REV1: variants seen among roughly 807,000 people sequenced by gnomAD.
REV1 encodes REV1 DNA directed polymerase.
In REV1, 42 loss-of-function variants were observed where a neutral mutation model predicts 137.4. The observed-to-expected ratio is 0.31, with a 90% CI of 0.24 to 0.40. The LOEUF (loss-of-function observed/expected upper bound fraction) is 0.40. Among genes scored for constraint, REV1 ranks in the 10% least tolerant of loss-of-function variants. The probability of loss-of-function intolerance (pLI) is 1.00; values close to 1 mark genes in which losing one functional copy is unlikely to be tolerated. For missense variants in REV1, 1,282 were observed against 1,490.1 expected (o/e 0.86, Z 2.30); for synonymous variants, 524 against 519.2 (o/e 1.01, Z -0.12).
chr2:99,454,550 CA>C (rs373850478), intron 3 of REV1, among the ~76,000 whole-genome samples: 345 of 82,266 alleles, frequency 4.2e-3, no homozygotes, highest in Non-Finnish European at 6.1e-3. Context: ...AACTCCAGCT[CA>C]AAAAAAAAAA....
intron 15 of REV1, 61 bp downstream of exon 15, chr2:99,407,968 G>A: frequency 1.0e-6 from 1 of 997,442 alleles, no homozygotes; most frequent in Non-Finnish European, 1.5e-6. Context: ...TTGAGAGCAA[G>A]CCTCAAAAAT....
At chr2:99,450,228 T>C (rs540075956) in intron 3 of REV1, among the ~76,000 whole-genome samples, 1 of 152,308 alleles carries the variant, frequency 6.6e-6, no homozygotes, top group South Asian at 2.1e-4. Context: ...ATGTCTTAAA[T>C]ATTGGAAATA....
At chr2:99,470,074 T>G (rs1685243332) in intron 1 of REV1, among the ~76,000 whole-genome samples, 1 of 151,440 alleles carries the variant, frequency 6.6e-6, no homozygotes, top group African/African-American at 2.4e-5. Context: ...TGAGCCGAGA[T>G]TGCACCACTG....
At chr2:99,442,730 G>A (rs962956937) in intron 4 of REV1, among the ~76,000 whole-genome samples, 4 of 152,086 alleles carry the variant, frequency 2.6e-5, no homozygotes, top group African/African-American at 7.2e-5. Flanking sequence ...ACAGTTAACA[G>A]AGAATCATCA....
chr2:99,412,734 A>C lies in REV1; in HGVS notation c.2169T>G (p.Thr723=). Residue 723 remains threonine, a synonymous_variant, in exon 13 of 23, where the codon ACT becomes ACG. Transcript: ENST00000258428. The part of the protein sequence containing the change: ...SAEINYGIRF[T]QPKEAEAFLL... ...AAATCTGTTCAATGATCAGTACCTG[A>C]GTAAACCTTATTCCATAGTTGATCT... is the stretch of plus-strand genomic sequence containing the variant. The C allele has an allele frequency of 6.2e-7, 1 of 1,612,202 alleles. No individual in the cohort carries two copies. Among genetic ancestry groups the C allele is most frequent in the Non-Finnish European group, 8.5e-7 (1 of 1,178,228 alleles).
In REV1 at chr2:99,403,505, G is replaced by A. The variant is rs1374808888; in HGVS notation, c.3166+190C>T. 5.3e-6 allele frequency: 4 copies of A among 750,560 alleles called. No individual in the cohort carries two copies. The East Asian group carries it at 1.1e-4, about 20-fold the overall frequency. 46.5% of individuals were successfully genotyped at this position (750,560 alleles called of 1,614,324 possible). ...AAAGTGGTGTGTTTAAATCCTGAAAGTACAGACACAAATCCAACTAGAAAT... is the reference window on the plus strand; with the variant it reads ...AAAGTGGTGTGTTTAAATCCTGAAAATACAGACACAAATCCAACTAGAAAT... On this transcript the variant is annotated intron_variant, in intron 19 of 22. Coordinates refer to ENST00000258428, the MANE Select transcript of REV1 (RefSeq NM_016316.4).
At chr2:99,402,612 G>A (rs1215237545) in intron 21 of REV1, 32 bp downstream of exon 21, 1 of 1,600,222 alleles carries the variant, frequency 6.2e-7, no homozygotes, top group Non-Finnish European at 8.5e-7. Context: ...CTACATCTCA[G>A]CCTTGGGCCA....
chr2:99,432,265 G>T (rs543502520), intron 8 of REV1, among the ~76,000 whole-genome samples: 28 of 152,214 alleles, frequency 1.8e-4, no homozygotes, highest in Non-Finnish European at 4.0e-4. Flanking sequence ...TTTCAAAAAG[G>T]ACTAAGGATG....
At chr2:99,451,502 C>G in intron 3 of REV1, 1 of 1,303,476 alleles carries the variant, frequency 7.7e-7, no homozygotes, top group South Asian at 1.2e-5. Context: ...GAAAACCAAT[C>G]TAGTTAAAAG....
At position 99,404,725 on chromosome 2, in the gene REV1, A is replaced by G. The variant is rs766039327; in HGVS notation, c.2812-48T>C. The G allele has an allele frequency of 5.4e-6, 7 of 1,294,672 alleles. No individual in the cohort carries two copies. The Admixed American group carries it at 5.7e-5, about 11-fold the overall frequency. The allele number at this position is 1,294,672 out of a possible 1,614,324, so 80.2% of individuals were successfully genotyped here. A position where few individuals can be genotyped will look rare whatever the true frequency, so the allele number is the denominator to read the frequency against. On this transcript the variant is annotated intron_variant, in intron 17 of 22. Coordinates refer to ENST00000258428, the MANE Select transcript of REV1 (RefSeq NM_016316.4). ...GTAGGAAGTTAAAGCATGCTCAGAG[A>G]TGAGGTGTTTGGGAGTTAACACGCC... is the stretch of plus-strand genomic sequence containing the variant.
At position 99,416,912 on chromosome 2, in the gene REV1, C is replaced by CAAAAAAAA. The variant is rs755184253; in HGVS notation, c.1951+1908_1951+1915dup. 9.4e-3 allele frequency among the ~76,000 whole-genome samples: 727 copies of CAAAAAAAA among 77,682 alleles called. 38 individuals are homozygous for CAAAAAAAA. The highest frequency in any genetic ancestry group is 0.029 in the African/African-American group (486 of 16,576). The allele number at this position is 77,682 out of a possible 152,430, so 51.0% of individuals were successfully genotyped here. A position where few individuals can be genotyped will look rare whatever the true frequency, so the allele number is the denominator to read the frequency against. ...TGGGCAACAGAGCAAGACTCCATCT[C>CAAAAAAAA]AAAAAAAAAAAAAAAAAAAAAGAAA... On this transcript the variant is annotated intron_variant, in intron 12 of 22. Coordinates refer to ENST00000258428, the MANE Select transcript of REV1 (RefSeq NM_016316.4).
At chr2:99,442,252 CAAAAAAAAAAAAAA>C (rs3070575) in intron 5 of REV1, 51 bp downstream of exon 5, 4 of 533,366 alleles carry the variant, frequency 7.5e-6, no homozygotes, top group East Asian at 5.4e-5. Flanking sequence ...AACTCCATCT[CAAAAAAAAAAAAAA>C]AAAAAAAAAA....
intron 3 of REV1, among the ~76,000 whole-genome samples, chr2:99,450,636 G>C (rs911085637): frequency 6.6e-6 from 1 of 152,024 alleles, no homozygotes; most frequent in Non-Finnish European, 1.5e-5. Context: ...GCACTATTCA[G>C]TAGAAAATAT....
In REV1 at chr2:99,442,298, C is replaced by A; in HGVS notation, c.503+19G>T. 1 of 1,488,662 alleles carries A rather than the reference C, an allele frequency of 6.7e-7. No homozygotes were observed. The highest frequency in any genetic ancestry group is 9.2e-7 in the Non-Finnish European group (1 of 1,088,416). 92.2% of individuals were successfully genotyped at this position (1,488,662 alleles called of 1,614,324 possible). On this transcript the variant is annotated intron_variant, in intron 5 of 22. Transcript: ENST00000258428. ...AAAACCAACCAGCTTTGCAGTAATC[C>A]CCAACTAGACAAACTTACACCCTGT...
intron 22 of REV1, among the ~76,000 whole-genome samples, chr2:99,401,609 T>C (rs1675432243): frequency 6.6e-6 from 1 of 151,928 alleles, no homozygotes; most frequent in Non-Finnish European, 1.5e-5. Context: ...TAGGTGGGCA[T>C]GGTGGCACAT....
chr2:99,412,523 C>A (rs1242464634), intron 13 of REV1, among the ~76,000 whole-genome samples: 2 of 151,912 alleles, frequency 1.3e-5, no homozygotes, highest in Non-Finnish European at 2.9e-5. Context: ...AGTATATTTC[C>A]CCAAGAGCTA....
chr2:99,403,155 G>C (rs1574962692), intron 19 of REV1, 49 bp from the exon 20 acceptor site: 1 of 1,410,390 alleles, frequency 7.1e-7, no homozygotes, highest in Non-Finnish European at 9.6e-7. Context: ...AGTATGGATA[G>C]TCTGGATGAC....
At chr2:99,465,974 C>T (rs1443808329) in intron 1 of REV1, among the ~76,000 whole-genome samples, 3 of 152,154 alleles carry the variant, frequency 2.0e-5, no homozygotes, top group African/African-American at 7.2e-5. Flanking sequence ...CGGAGTCTCG[C>T]TCTGTTGCCC....
Position 99,421,605 on chromosome 2 carries a change from G to A in REV1, c.1725C>T (p.Asp575=). 1 of 1,614,104 alleles carries A rather than the reference G, an allele frequency of 6.2e-7. No homozygotes were observed. Among genetic ancestry groups the A allele is most frequent in the South Asian group, 1.1e-5 (1 of 91,080 alleles). Residue 575 remains aspartate, a synonymous_variant, in exon 11 of 23, where the codon GAC becomes GAT. Coordinates refer to ENST00000258428, the MANE Select transcript of REV1 (RefSeq NM_016316.4). ...EAVSCDEALV[D]ITEILAETKL... is the part of the protein sequence containing the mutation. ...TGGTCTCTGCAAGGATTTCGGTAAT[G>A]TCTACCAGCGCTTCATCACAACTGA...
Sources: allele counts gnomAD v4.1 joint callset (sites outside exome capture counted in the v4.1 genomes callset), GRCh38; gene constraint gnomAD v4.1.1; transcripts MANE v1.5; gene names NCBI Gene and HGNC (gene_info 2026-07-23, HGNC 2026-07-21).